KIF23: variants seen among roughly 807,000 people sequenced by gnomAD.
The protein encoded by KIF23 is kinesin-like protein KIF23.
In KIF23, 30 loss-of-function variants were observed where a neutral mutation model predicts 137.5. The ratio of observed to expected loss-of-function variants is 0.22; its 90% CI spans 0.16 to 0.30. KIF23 has a LOEUF of 0.30. Among genes scored for constraint, KIF23 ranks in the 10% least tolerant of loss-of-function variants. The pLI, the probability that KIF23 is intolerant of heterozygous loss-of-function variation, is 1.00. For missense variants in KIF23, 920 were observed against 1,194.3 expected, an observed-to-expected ratio of 0.77 and a Z score of 3.38; for synonymous variants, 367 against 391.1, an observed-to-expected ratio of 0.94 and a Z score of 0.73.
rs139391440 is a variant in KIF23, at chr15:69,422,222, T to C, written c.453+94T>C. 6.7e-3 allele frequency: 9,754 copies of C among 1,465,074 alleles called. 53 individuals carry two copies. Among genetic ancestry groups the C allele is most frequent in the Non-Finnish European group, 7.5e-3 (8,000 of 1,069,962 alleles). 90.8% of individuals were successfully genotyped at this position (1,465,074 alleles called of 1,614,324 possible). ...AAGAAGAACCAAAGCACTGGATTCA[T>C]TTTGAAACCTTAACTGTTCCTTAGT... is the stretch of plus-strand genomic sequence containing the variant. On this transcript the variant is annotated intron_variant, in intron 5 of 23. Transcript: ENST00000679126.
intron 11 of KIF23, among the ~76,000 whole-genome samples, chr15:69,431,798 A>C (rs953082147): frequency 6.6e-6 from 1 of 152,196 alleles, no homozygotes; most frequent in Non-Finnish European, 1.5e-5. Context: ...GAAAAAATAC[A>C]CACACACATT....
intron 10 of KIF23, chr15:69,427,591 T>A: frequency 2.6e-6 from 1 of 388,362 alleles, no homozygotes; most frequent in South Asian, 1.9e-5. Context: ...TTATAAGTTG[T>A]TCATCTCTTG....
Position 69,426,234 on chromosome 15 carries a change from G to T in KIF23, c.889+52G>T, listed in dbSNP as rs2057187325. The T allele has an allele frequency of 1.9e-6, 3 of 1,590,844 alleles. No homozygotes were observed. The Admixed American group carries it at 5.2e-5, about 28-fold the overall frequency. ...TACAGAATGATGAATATCACCTAGA[G>T]TTGCTACTAAGTTTGATGGCAATTT... On this transcript the variant is annotated intron_variant, in intron 9 of 23. Coordinates refer to ENST00000679126, the MANE Select transcript of KIF23 (RefSeq NM_001367805.3).
intron 11 of KIF23, among the ~76,000 whole-genome samples, chr15:69,433,840 G>A (rs890579079): frequency 3.3e-5 from 5 of 152,072 alleles, no homozygotes; most frequent in African/African-American, 4.8e-5. Flanking sequence ...ATGGGTCAGG[G>A]TAGACACCCT....
At position 69,440,881 on chromosome 15, in the gene KIF23, G is replaced by A. The variant is rs371001377; in HGVS notation, c.2223G>A (p.Ser741=). 2.0e-5 allele frequency: 33 copies of A among 1,613,978 alleles called. No homozygotes were observed. Among genetic ancestry groups the A allele is most frequent in the East Asian group, 4.5e-5 (2 of 44,892 alleles). Reference sequence around the variant, plus strand: ...GCATTTCTGTAGCTTCCTGTATTTCGGAATGGGAGCAGAAAATTCCTACGT... The same window carrying A: ...GCATTTCTGTAGCTTCCTGTATTTCAGAATGGGAGCAGAAAATTCCTACGT... ...CSSISVASCI[S]EWEQKIPTYN... The change falls in exon 19 of 24, where the codon TCG becomes TCA. Residue 741 remains serine, a synonymous_variant. Coordinates refer to ENST00000679126, the MANE Select transcript of KIF23 (RefSeq NM_001367805.3).
In KIF23 at chr15:69,446,268, T is replaced by G; in HGVS notation, c.2757-15T>G. On this transcript the variant is annotated splice_polypyrimidine_tract_variant and intron_variant, in intron 21 of 23. Transcript: ENST00000679126. The stretch of plus-strand genomic sequence containing the variant: ...ATGGAAAAATAATTGTTGCATCATG[T>G]TTCCCCTTTTTCAGTAGTCGAAAAC... 1 of 1,610,912 alleles carries G rather than the reference T, an allele frequency of 6.2e-7. No individual in the cohort carries two copies. The highest frequency in any genetic ancestry group is 1.1e-5 in the South Asian group (1 of 91,012).
chr15:69,426,101 A>G lies in KIF23; in HGVS notation c.808A>G (p.Lys270Glu). Reference sequence around the variant, plus strand: ...ACAATCTAAATTGCTTCGTGAAGATAAGAACCATAACATGTATGTTGCAGG... The same window carrying G: ...ACAATCTAAATTGCTTCGTGAAGATGAGAACCATAACATGTATGTTGCAGG... ...PPQSKLLRED[K>E]NHNMYVAGCT... Residue 270 changes from lysine to glutamate, a missense_variant, in exon 9 of 24, where the codon AAG becomes GAG. Lys to Glu is a moderately conservative substitution (Grantham distance 56). Coordinates refer to ENST00000679126, the MANE Select transcript of KIF23 (RefSeq NM_001367805.3). 1 of 1,598,172 alleles carries G rather than the reference A, an allele frequency of 6.3e-7. No individual in the cohort carries two copies. Among genetic ancestry groups the G allele is most frequent in the Non-Finnish European group, 8.5e-7 (1 of 1,176,644 alleles).
Position 69,444,577 on chromosome 15 carries a change from G to A in KIF23, c.2422-213G>A. ...TTTTTCTTTTATCCTTTATTGAAAGGGAAACTCCCAGATAGAATGTGTAAC... is the reference window on the plus strand; with the variant it reads ...TTTTTCTTTTATCCTTTATTGAAAGAGAAACTCCCAGATAGAATGTGTAAC... On this transcript the variant is annotated intron_variant, in intron 19 of 23. Transcript: ENST00000679126. This position sits in a 1 kb window ranked among gnomAD's most constrained non-coding sequence, Gnocchi z 4.2. The A allele has an allele frequency of 9.5e-6, 5 of 524,114 alleles. No individual in the cohort carries two copies. Among genetic ancestry groups the A allele is most frequent in the Non-Finnish European group, 1.6e-5 (5 of 304,200 alleles). The allele number at this position is 524,114 out of a possible 1,614,324, so 32.5% of individuals were successfully genotyped here.
chr15:69,435,383 CTAG>C, intron 11 of KIF23, 97 bp from the exon 12 acceptor site: 2 of 865,408 alleles, frequency 2.3e-6, no homozygotes, highest in Non-Finnish European at 3.6e-6. Flanking sequence ...TAATTTCTAT[CTAG>C]TAGTTGTTTG....
Position 69,436,729 on chromosome 15 carries a change from G to A in KIF23, c.1597+7G>A. The A allele has an allele frequency of 6.8e-7, 1 of 1,475,742 alleles. No individual in the cohort carries two copies. Among genetic ancestry groups the A allele is most frequent in the Non-Finnish European group, 9.1e-7 (1 of 1,103,006 alleles). The allele number at this position is 1,475,742 out of a possible 1,614,324, so 91.4% of individuals were successfully genotyped here. A position where few individuals can be genotyped will look rare whatever the true frequency, so the allele number is the denominator to read the frequency against. On this transcript the variant is annotated splice_region_variant and intron_variant, in intron 15 of 23. Coordinates refer to ENST00000679126, the MANE Select transcript of KIF23 (RefSeq NM_001367805.3). ...GATGAGTTTAACAAACAATGTAAGG[G>A]CAAAACTATTTGAAATAATTTTATT...
At chr15:69,421,587 G>T in intron 3 of KIF23, 60 bp from the exon 4 acceptor site, 1 of 1,016,210 alleles carries the variant, frequency 9.8e-7, no homozygotes, top group Non-Finnish European at 1.6e-6. Flanking sequence ...TTAAGGAGAT[G>T]TATTTTTAGC....
chr15:69,421,205 A>G (rs1035209769), intron 3 of KIF23, among the ~76,000 whole-genome samples: 1 of 152,084 alleles, frequency 6.6e-6, no homozygotes, highest in Non-Finnish European at 1.5e-5. Flanking sequence ...CCAGCCTAAC[A>G]TGGTGAAACC....
chr15:69,417,331 A>T, intron 2 of KIF23, 52 bp from the exon 3 acceptor site: 1 of 1,492,996 alleles, frequency 6.7e-7, no homozygotes, highest in Non-Finnish European at 9.0e-7. Context: ...TTAAGTGAAA[A>T]ATCAGGCAAA....
intron 4 of KIF23, 114 bp downstream of exon 4, chr15:69,421,866 T>C (rs59689652): frequency 9.2e-6 from 12 of 1,302,534 alleles, no homozygotes; most frequent in Non-Finnish European, 1.3e-5. Flanking sequence ...ATATTTAATT[T>C]GTTAGGGTGG....
In KIF23 at chr15:69,438,280, G is replaced by A. The variant is rs769080789; in HGVS notation, c.1630G>A (p.Asp544Asn). 19 of 1,609,496 alleles carry A rather than the reference G, an allele frequency of 1.2e-5. No individual in the cohort carries two copies. The highest frequency in any genetic ancestry group is 1.4e-5 in the Non-Finnish European group (16 of 1,178,774). ...TTTTAAAGCTTTGTTACAAGAATTT[G>A]ACAATGCTGTTTTAAGTAAAGAAAA... ...NAFKALLQEF[D>N]NAVLSKENHM... Residue 544 changes from aspartate to asparagine, a missense_variant, in exon 16 of 24, where the codon GAC (aspartate) becomes AAC (asparagine). By Grantham distance (23) the Asp-to-Asn change is conservative (BLOSUM62 1). Coordinates refer to ENST00000679126, the MANE Select transcript of KIF23 (RefSeq NM_001367805.3).
chr15:69,438,481 C>A, intron 16 of KIF23, 76 bp downstream of exon 16: 1 of 1,354,116 alleles, frequency 7.4e-7, no homozygotes, highest in Non-Finnish European at 1.0e-6. Flanking sequence ...TATTGTGCTC[C>A]AACGGCCTGT....
At chr15:69,440,509 A>G (rs780336014) in intron 18 of KIF23, 22 bp downstream of exon 18, 4 of 1,584,574 alleles carry the variant, frequency 2.5e-6, no homozygotes, top group South Asian at 2.4e-5. Context: ...GTAATTGTGT[A>G]GTAACTTTGT....
rs1236966096 is a variant in KIF23 at position 69,441,183 on chromosome 15, G to C, written c.2421+104G>C. 1.1e-5 allele frequency: 11 copies of C among 995,682 alleles called. No individual in the cohort carries two copies. The Admixed American group carries it at 1.8e-4, about 16-fold the overall frequency. 61.7% of individuals were successfully genotyped at this position (995,682 alleles called of 1,614,324 possible). ...TCATTGGAAAAATGGTTGGGCTATA[G>C]TATAAAGAAGGTCTAATTTCTCAGT... On this transcript the variant is annotated intron_variant, in intron 19 of 23. Coordinates refer to ENST00000679126, the MANE Select transcript of KIF23 (RefSeq NM_001367805.3).
intron 14 of KIF23, 148 bp from the exon 15 acceptor site, chr15:69,436,416 A>G: frequency 1.6e-6 from 2 of 1,217,588 alleles, no homozygotes; most frequent in South Asian, 1.6e-5. Flanking sequence ...CTTATTTTGC[A>G]TACTATGATT....
Sources: gnomAD v4.1 joint callset for allele counts (sites outside exome capture counted in the v4.1 genomes callset) on GRCh38, gnomAD v4.1.1 for gene constraint, Gnocchi (gnomAD v3.1) non-coding constraint, MANE v1.5 for transcripts, NCBI Gene and HGNC (gene_info 2026-07-23, HGNC 2026-07-21) for gene names.